The following MYPN variants were observed in gnomAD, a reference collection of about 807,000 sequenced individuals.
MYPN encodes the protein sarcomeric protein myopalladin, 145 kDa (MYOP).
A neutral mutation model predicts 129.4 loss-of-function variants in MYPN; 63 were observed. The observed-to-expected ratio is 0.49, with a 90% CI of 0.40 to 0.60. The LOEUF (loss-of-function observed/expected upper bound fraction) is 0.60. Among genes scored for constraint, MYPN ranks in the 20% least tolerant of loss-of-function variants. MYPN has a pLI of 0.00. For synonymous variants in MYPN, 629 were observed against 600.9 expected (o/e 1.05, Z -0.68); for missense variants, 1,596 against 1,635.4 (o/e 0.98, Z 0.42).
At chr10:68,191,169 T>C (rs771713954) in intron 13 of MYPN, among the ~76,000 whole-genome samples, 2 of 152,030 alleles carry the variant, frequency 1.3e-5, no homozygotes, top group Non-Finnish European at 2.9e-5. Context: ...TGGCTATTTG[T>C]GGTCTTTTGT....
intron 13 of MYPN, among the ~76,000 whole-genome samples, chr10:68,193,218 G>A (rs2043544663): frequency 6.6e-6 from 1 of 151,178 alleles, no homozygotes; most frequent in East Asian, 1.9e-4. Flanking sequence ...GTCTACAGAG[G>A]GAATGAAAAC....
Position 68,199,422 on chromosome 10 carries a change from C to T in MYPN, c.3340C>T (p.Leu1114=), listed in dbSNP as rs776874941. ...LTWLLNGQPV[L]PDASHKMLVR... is the part of the protein sequence containing the mutation. The stretch of plus-strand genomic sequence containing the variant: ...ATGGCTACTCAATGGCCAACCTGTG[C>T]TACCAGATGCCTCCCACAAGATGCT... The change falls in exon 17 of 20, where the codon CTA becomes TTA. Residue 1114 remains leucine (L), a synonymous_variant. Coordinates refer to ENST00000358913, the MANE Select transcript of MYPN (RefSeq NM_032578.4). 9.9e-6 allele frequency: 16 copies of T among 1,614,066 alleles called. No individual in the cohort carries two copies. The highest frequency in any genetic ancestry group is 1.3e-5 in the Non-Finnish European group (15 of 1,180,044).
chr10:68,176,438 C>CA (rs2043228623), intron 12 of MYPN, among the ~76,000 whole-genome samples: 1 of 152,058 alleles, frequency 6.6e-6, no homozygotes, highest in Non-Finnish European at 1.5e-5. Flanking sequence ...TACAGTATGC[C>CA]AAATATTGTG....
At chr10:68,158,106 T>A (rs2134134974) in intron 6 of MYPN, 2 of 200,000 alleles carry the variant, frequency 1.0e-5, no homozygotes, top group Non-Finnish European at 2.1e-5. Flanking sequence ...GGCTGTGACA[T>A]CTGTCACCCC....
At chr10:68,197,598 G>T in intron 16 of MYPN, 120 bp downstream of exon 16, 1 of 1,208,026 alleles carries the variant, frequency 8.3e-7, no homozygotes, top group Non-Finnish European at 1.2e-6. Context: ...GATGGGGAAG[G>T]GAGACAGATC....
At position 68,166,645 on chromosome 10, in the gene MYPN, C is replaced by A. The variant is rs548318517; in HGVS notation, c.1952C>A (p.Pro651Gln). Reference sequence around the variant, plus strand: ...TCTTCCCCCGTGAAAGAGCCCCCTCCAGTTCTGGCCAAACCCAAACTGTAA... The same window carrying A: ...TCTTCCCCCGTGAAAGAGCCCCCTCAAGTTCTGGCCAAACCCAAACTGTAA... ...EPSSPVKEPP[P>Q]VLAKPKLDST... Residue 651 changes from proline to glutamine, a missense_variant, in exon 10 of 20, where the codon CCA (proline) becomes CAA (glutamine). Pro to Gln is a moderately conservative substitution (Grantham distance 76). Transcript: ENST00000358913. The A allele has an allele frequency of 5.7e-5, 92 of 1,613,998 alleles. 1 individual carries two copies. In the Admixed American group the frequency reaches 1.1e-3, roughly 18 times the overall value.
intron 11 of MYPN, among the ~76,000 whole-genome samples, chr10:68,174,965 G>A (rs548670308): frequency 3.9e-5 from 6 of 151,934 alleles, no homozygotes; most frequent in Admixed American, 1.3e-4. Context: ...TGAAACCCCC[G>A]TCTCTAGGAG....
In MYPN at chr10:68,180,126, T is replaced by A. The variant is rs370113204; in HGVS notation, c.2703+4665T>A. On this transcript the variant is annotated intron_variant, in intron 12 of 19. Transcript: ENST00000358913. Reference sequence around the variant, plus strand: ...GCAGCAGAGACAGGGTAGGCTATGATAACTAGTTATTTCTACTGAAGGCAA... The same window carrying A: ...GCAGCAGAGACAGGGTAGGCTATGAAAACTAGTTATTTCTACTGAAGGCAA... Among the ~76,000 whole-genome samples, 11 of 152,170 alleles carry A rather than the reference T, an allele frequency of 7.2e-5. No individual in the cohort carries two copies. In the East Asian group the frequency reaches 1.7e-3, roughly 24 times the overall value.
chr10:68,109,910 G>C (rs1451955273), intron 1 of MYPN, among the ~76,000 whole-genome samples, 187 bp downstream of exon 1: 1 of 152,152 alleles, frequency 6.6e-6, no homozygotes, highest in African/African-American at 2.4e-5. Flanking sequence ...TTTTGGAGGG[G>C]ATTGATGAGA....
At chr10:68,149,875 T>A (rs1190482911) in intron 5 of MYPN, among the ~76,000 whole-genome samples, 165 bp from the exon 6 acceptor site, 3 of 151,984 alleles carry the variant, frequency 2.0e-5, no homozygotes, top group Non-Finnish European at 4.4e-5. Context: ...AGAAATAGAG[T>A]CAATTCAGTC....
intron 1 of MYPN, chr10:68,114,265 G>T (rs141781197): frequency 1.3e-5 from 2 of 151,852 alleles, no homozygotes; most frequent in Non-Finnish European, 2.9e-5. Context: ...GGATAGCACC[G>T]AGTTAACATG....
At chr10:68,129,458 T>C (rs925892880) in intron 2 of MYPN, among the ~76,000 whole-genome samples, 1 of 152,218 alleles carries the variant, frequency 6.6e-6, no homozygotes, top group Non-Finnish European at 1.5e-5. Flanking sequence ...CTATGCAGTA[T>C]TTTACTGTAT....
intron 10 of MYPN, among the ~76,000 whole-genome samples, chr10:68,172,946 A>G (rs994817230): frequency 2.0e-5 from 3 of 152,054 alleles, no homozygotes; most frequent in Non-Finnish European, 4.4e-5. Context: ...GGTGGCAGAC[A>G]CCTGTGGTCC....
chr10:68,188,959 T>C lies in MYPN; in HGVS notation c.2758T>C (p.Leu920=). 6.2e-7 allele frequency: 1 copy of C among 1,614,164 alleles called. No individual in the cohort carries two copies. The highest frequency in any genetic ancestry group is 8.5e-7 in the Non-Finnish European group (1 of 1,180,026). ...GCTGATGAATGAAATAGAGTTTCGC[T>C]TGGAACGTACTCCTGTTGATGAATC... ...QRLMNEIEFR[L]ERTPVDESDD... Residue 920 remains leucine, a synonymous_variant, in exon 13 of 20, where the codon TTG becomes CTG. Transcript: ENST00000358913.
chr10:68,199,698 C>G, intron 17 of MYPN, 123 bp downstream of exon 17: 2 of 971,398 alleles, frequency 2.1e-6, no homozygotes, highest in Non-Finnish European at 3.2e-6. Flanking sequence ...ATTTCCCCTT[C>G]ACTGTGGTAG....
intron 12 of MYPN, among the ~76,000 whole-genome samples, chr10:68,185,838 A>C (rs2043412029): frequency 1.3e-5 from 2 of 152,144 alleles, no homozygotes; most frequent in Non-Finnish European, 2.9e-5. Flanking sequence ...AAAGAAAAAA[A>C]ATATCCTGGT....
chr10:68,104,786 C>A (rs778465319), upstream of MYPN, among the ~76,000 whole-genome samples: 34 of 151,814 alleles, frequency 2.2e-4, no homozygotes, highest in African/African-American at 7.0e-4. Flanking sequence ...TTATTTCTTT[C>A]TTTATTTATT....
At chr10:68,192,830 T>A (rs947206796) in intron 13 of MYPN, among the ~76,000 whole-genome samples, 1 of 152,150 alleles carries the variant, frequency 6.6e-6, no homozygotes, top group Non-Finnish European at 1.5e-5. Context: ...TCTCTAGTGA[T>A]CCTTTGTGTT....
intron 18 of MYPN, 52 bp from the exon 19 acceptor site, chr10:68,206,718 A>C: frequency 1.2e-6 from 2 of 1,613,008 alleles, no homozygotes; most frequent in Admixed American, 1.7e-5. Flanking sequence ...AATTTGACAA[A>C]GGCATTTCTG....
Sources: gnomAD v4.1 joint callset for allele counts (sites outside exome capture counted in the v4.1 genomes callset) on GRCh38, gnomAD v4.1.1 for gene constraint, MANE v1.5 for transcripts, NCBI Gene and HGNC (gene_info 2026-07-23, HGNC 2026-07-21) for gene names.